The following GPR149 variants were observed in gnomAD, a reference collection of about 807,000 sequenced individuals.
GPR149 encodes the protein G protein-coupled receptor 149.
A neutral mutation model predicts 50.2 loss-of-function variants in GPR149; 50 were observed. The observed-to-expected ratio is 1.00, with a 90% CI of 0.79 to 1.26. GPR149 has a LOEUF of 1.26. Ranked by LOEUF, GPR149 falls within the 50% of genes most tolerant of loss-of-function variation. The probability of loss-of-function intolerance (pLI) is 0.00; values close to 1 mark genes in which losing one functional copy is unlikely to be tolerated. For synonymous variants in GPR149, 405 were observed against 358.2 expected (o/e 1.13, Z -1.48); for missense variants, 983 against 895.4 (o/e 1.10, Z -1.25).
At chr3:154,411,277 C>T (rs1711825291) in intron 3 of GPR149, among the ~76,000 whole-genome samples, 1 of 152,056 alleles carries the variant, frequency 6.6e-6, no homozygotes, top group African/African-American at 2.4e-5. Flanking sequence ...GGTCACACCT[C>T]ATGGAACTGG....
chr3:154,396,316 A>G (rs1482534128), intron 3 of GPR149, among the ~76,000 whole-genome samples: 2 of 152,152 alleles, frequency 1.3e-5, no homozygotes, highest in African/African-American at 2.4e-5. Flanking sequence ...TTTTTGTTTA[A>G]GACATTACTA....
At chr3:154,371,465 T>C (rs982439508) in intron 3 of GPR149, among the ~76,000 whole-genome samples, 1 of 152,138 alleles carries the variant, frequency 6.6e-6, no homozygotes, top group African/African-American at 2.4e-5. Context: ...GTCGGAATAC[T>C]GGGCAGGCTT....
intron 3 of GPR149, among the ~76,000 whole-genome samples, chr3:154,367,345 C>CCT (rs56060915): frequency 1.7e-4 from 26 of 151,466 alleles, no homozygotes; most frequent in Middle Eastern, 3.4e-3. Flanking sequence ...TTCCCCCCCC[C>CCT]GAAACTAAAA....
Position 154,428,671 on chromosome 3 carries a change from T to G in GPR149, c.945A>C (p.Leu315=). ...GCCAAAGGACGACTTTTGTAAGCGCTAGGATCAAAGCGAAGCGCTTCTGCG... is the reference window on the plus strand; with the variant it reads ...GCCAAAGGACGACTTTTGTAAGCGCGAGGATCAAAGCGAAGCGCTTCTGCG... ...SVAQKRFALI[L]ALTKVVLWLP... is the part of the protein sequence containing the mutation. The change falls in exon 1 of 4, where the codon CTA becomes CTC. Residue 315 remains leucine (L), a synonymous_variant. Coordinates refer to ENST00000389740, the MANE Select transcript of GPR149 (RefSeq NM_001038705.3). 6.2e-7 allele frequency: 1 copy of G among 1,613,448 alleles called. No homozygotes were observed. The highest frequency in any genetic ancestry group is 1.1e-5 in the South Asian group (1 of 90,972).
intron 3 of GPR149, among the ~76,000 whole-genome samples, chr3:154,381,429 T>A (rs981774712): frequency 2.0e-5 from 3 of 152,344 alleles, no homozygotes; most frequent in Admixed American, 2.0e-4. Context: ...TATTTTTATC[T>A]GAGAAATCAA....
intron 3 of GPR149, among the ~76,000 whole-genome samples, chr3:154,355,895 C>T (rs1714208498): frequency 1.3e-5 from 2 of 152,148 alleles, no homozygotes. Context: ...GGTTGCTATA[C>T]TCCAGAAAAG....
chr3:154,416,049 A>AT (rs1335067189), intron 3 of GPR149, among the ~76,000 whole-genome samples: 8 of 151,916 alleles, frequency 5.3e-5, no homozygotes, highest in Non-Finnish European at 1.0e-4. Context: ...ATTTTAAGCT[A>AT]ATAATATAAC....
At chr3:154,362,741 TA>T (rs569394564) in intron 3 of GPR149, among the ~76,000 whole-genome samples, 5 of 152,074 alleles carry the variant, frequency 3.3e-5, no homozygotes, top group African/African-American at 7.3e-5. Flanking sequence ...CTTATTATTA[TA>T]TTTTTTTATT....
At chr3:154,345,345 A>T (rs998227742) in intron 3 of GPR149, among the ~76,000 whole-genome samples, 2 of 152,226 alleles carry the variant, frequency 1.3e-5, no homozygotes, top group Non-Finnish European at 2.9e-5. Flanking sequence ...TTTTATGAAA[A>T]TAAAATATTA....
Position 154,392,691 on chromosome 3 carries a change from T to TA in GPR149, c.1623+28347dup, listed in dbSNP as rs199675409. Among the ~76,000 whole-genome samples, 339 of 149,336 alleles carry TA rather than the reference T, an allele frequency of 2.3e-3. 1 individual carries two copies. Among genetic ancestry groups the TA allele is most frequent in the African/African-American group, 8.0e-3 (326 of 40,860 alleles). ...CAAAATAGACAAACCACTAGTAGAT[T>TA]AAAAAAAAAGAGGGAAGGCCCAAAT... On this transcript the variant is annotated intron_variant, in intron 3 of 3. Coordinates refer to ENST00000389740, the MANE Select transcript of GPR149 (RefSeq NM_001038705.3).
At chr3:154,354,088 A>G in intron 3 of GPR149, 1 of 467,714 alleles carries the variant, frequency 2.1e-6, no homozygotes, top group Non-Finnish European at 4.1e-6. Context: ...ATTTATCTGA[A>G]AGTCTACAAA....
At chr3:154,394,838 T>A (rs749939342) in intron 3 of GPR149, among the ~76,000 whole-genome samples, 6 of 152,166 alleles carry the variant, frequency 3.9e-5, no homozygotes, top group Non-Finnish European at 8.8e-5. Context: ...TCACTAGTCA[T>A]CAGAAAAATG....
intron 3 of GPR149, among the ~76,000 whole-genome samples, chr3:154,400,033 C>T (rs1408041521): frequency 6.6e-6 from 1 of 152,198 alleles, no homozygotes; most frequent in Non-Finnish European, 1.5e-5. Flanking sequence ...GTTGCCCAGG[C>T]TGGAGTGCGG....
intron 3 of GPR149, among the ~76,000 whole-genome samples, chr3:154,348,473 A>C (rs929445097): frequency 6.6e-6 from 1 of 152,154 alleles, no homozygotes; most frequent in African/African-American, 2.4e-5. Context: ...ATCACATAAA[A>C]TAGATTTCAG....
chr3:154,356,079 G>T (rs931845868), intron 3 of GPR149, among the ~76,000 whole-genome samples: 6 of 152,180 alleles, frequency 3.9e-5, no homozygotes, highest in Non-Finnish European at 1.5e-5. Context: ...AAGAGTAAAT[G>T]AGCACTTGGG....
intron 3 of GPR149, among the ~76,000 whole-genome samples, chr3:154,362,050 C>G (rs977487784): frequency 3.9e-5 from 6 of 151,918 alleles, no homozygotes; most frequent in African/African-American, 1.2e-4. Context: ...TTAGAATATC[C>G]TAAAAAAGAC....
intron 3 of GPR149, among the ~76,000 whole-genome samples, chr3:154,365,911 C>G (rs1270429379): frequency 6.6e-6 from 1 of 152,204 alleles, no homozygotes; most frequent in African/African-American, 2.4e-5. Context: ...TCTTCTGAGA[C>G]CTCACCAGAA....
rs1355392768 is a variant in GPR149 at position 154,335,322 on chromosome 3, A to G, written c.*2377T>C. The G allele has an allele frequency of 6.6e-6, 1 of 152,166 alleles. No individual in the cohort carries two copies. Among genetic ancestry groups the G allele is most frequent in the Non-Finnish European group, 1.5e-5 (1 of 68,002 alleles). The allele number at this position is 152,166 out of a possible 1,614,324, so 9.4% of individuals were successfully genotyped here. A position where few individuals can be genotyped will look rare whatever the true frequency, so the allele number is the denominator to read the frequency against. On this transcript the variant is annotated 3_prime_UTR_variant, in exon 4 of 4. Transcript: ENST00000389740. ...ACACACTTTTATAATCAATCACTCT[A>G]AAGAGTAAGCAGACTTAAGTAAACT... is the stretch of plus-strand genomic sequence containing the variant.
In GPR149 at chr3:154,388,064, G is replaced by A. The variant is rs550348564; in HGVS notation, c.1623+32975C>T. ...TCATTTTTGCCTATTTTGAATTGCA[G>A]GAAAGCATATTGATATGTGAACTAT... On this transcript the variant is annotated intron_variant, in intron 3 of 3. Coordinates refer to ENST00000389740, the MANE Select transcript of GPR149 (RefSeq NM_001038705.3). Among the ~76,000 whole-genome samples, 40 of 152,062 alleles carry A rather than the reference G, an allele frequency of 2.6e-4. No homozygotes were observed. The South Asian group carries it at 7.3e-3, about 28-fold the overall frequency.
Sources: gnomAD v4.1 joint callset for allele counts (sites outside exome capture counted in the v4.1 genomes callset) on GRCh38, gnomAD v4.1.1 for gene constraint, MANE v1.5 for transcripts, NCBI Gene and HGNC (gene_info 2026-07-23, HGNC 2026-07-21) for gene names.